The following ST3GAL3 variants were observed in gnomAD, a reference collection of about 807,000 sequenced individuals.
ST3GAL3 encodes the protein CMP-N-acetylneuraminate-beta-1,4-galactoside alpha-2,3-sialyltransferase.
ST3GAL3 carries 21 observed loss-of-function variants against 50.1 expected under a neutral mutation model. The observed-to-expected ratio is 0.42, with a 90% CI of 0.30 to 0.60. The LOEUF (loss-of-function observed/expected upper bound fraction) is 0.60. ST3GAL3 is among the 20% of genes least tolerant of loss of function. ST3GAL3 has a pLI of 0.19. For missense variants in ST3GAL3, 353 were observed against 489.4 expected (o/e 0.72, Z 2.63); for synonymous variants, 183 against 190.0 (o/e 0.96, Z 0.30).
At chr1:43,790,392 C>T (rs2057905388) in intron 2 of ST3GAL3, among the ~76,000 whole-genome samples, 3 of 152,248 alleles carry the variant, frequency 2.0e-5, no homozygotes, top group East Asian at 1.9e-4. Flanking sequence ...CATTTGCATC[C>T]GGCTGACACT....
At chr1:43,723,766 C>T (rs1001687966) in intron 1 of ST3GAL3, among the ~76,000 whole-genome samples, 1 of 152,090 alleles carries the variant, frequency 6.6e-6, no homozygotes, top group Non-Finnish European at 1.5e-5. Context: ...CACACATCAC[C>T]ATGCCTGGCT....
chr1:43,930,032 C>T (rs2084797565), intron 11 of ST3GAL3, 100 bp from the exon 12 acceptor site: 4 of 954,888 alleles, frequency 4.2e-6, no homozygotes, highest in Admixed American at 1.7e-5. Context: ...TCCACAGTCA[C>T]GGAGTATTGG....
At chr1:43,878,780 G>A (rs2074560786) in intron 5 of ST3GAL3, among the ~76,000 whole-genome samples, 1 of 152,204 alleles carries the variant, frequency 6.6e-6, no homozygotes, top group African/African-American at 2.4e-5. Context: ...TTTATCAAGA[G>A]GGAAGAGCAG....
At chr1:43,873,150 C>G (rs908434741) in intron 5 of ST3GAL3, among the ~76,000 whole-genome samples, 4 of 152,154 alleles carry the variant, frequency 2.6e-5, no homozygotes, top group African/African-American at 9.7e-5. Flanking sequence ...TAGACTGTTG[C>G]AAGGCAGTCC....
At chr1:43,925,517 C>A (rs1032330838) in intron 11 of ST3GAL3, among the ~76,000 whole-genome samples, 4 of 152,080 alleles carry the variant, frequency 2.6e-5, no homozygotes, top group African/African-American at 9.7e-5. Context: ...AATATTTTAC[C>A]CCTACTTGCC....
chr1:43,723,911 C>G (rs1203251766), intron 1 of ST3GAL3, among the ~76,000 whole-genome samples: 2 of 152,086 alleles, frequency 1.3e-5, no homozygotes, highest in East Asian at 1.9e-4. Flanking sequence ...TGTGTCCAGC[C>G]TCAGGTATTT....
intron 2 of ST3GAL3, among the ~76,000 whole-genome samples, chr1:43,747,161 C>T (rs1056486570): frequency 9.9e-5 from 15 of 152,080 alleles, no homozygotes; most frequent in Admixed American, 3.9e-4. Flanking sequence ...TATAATCCCA[C>T]CACTTTGAGA....
intron 2 of ST3GAL3, among the ~76,000 whole-genome samples, chr1:43,740,337 CAAAA>C (rs879854207): frequency 1.3e-5 from 1 of 77,470 alleles, no homozygotes. Context: ...GACTCAGTCT[CAAAA>C]AAAAAAAAAA....
At chr1:43,733,130 G>T (rs1017723467) in intron 1 of ST3GAL3, among the ~76,000 whole-genome samples, 8 of 152,042 alleles carry the variant, frequency 5.3e-5, no homozygotes, top group African/African-American at 1.9e-4. Context: ...AAGTAGCTGG[G>T]ACTATAGGCA....
At chr1:43,756,393 T>G (rs1688124099) in intron 2 of ST3GAL3, among the ~76,000 whole-genome samples, 1 of 152,196 alleles carries the variant, frequency 6.6e-6, no homozygotes, top group South Asian at 2.1e-4. Flanking sequence ...ATTGTGATTT[T>G]ATGTATGTGT....
At chr1:43,801,437 G>A (rs2059306394) in intron 3 of ST3GAL3, 1 of 452,404 alleles carries the variant, frequency 2.2e-6, no homozygotes, top group Non-Finnish European at 4.5e-6. Context: ...TGAAGGTGAG[G>A]CTACAGTAGG....
chr1:43,860,909 T>A (rs2069752630), intron 5 of ST3GAL3, among the ~76,000 whole-genome samples: 1 of 152,246 alleles, frequency 6.6e-6, no homozygotes, highest in Non-Finnish European at 1.5e-5. Flanking sequence ...GAGGCAAAAG[T>A]GGTCTTACTG....
At chr1:43,844,578 G>A (rs1178848070) in intron 5 of ST3GAL3, among the ~76,000 whole-genome samples, 1 of 152,154 alleles carries the variant, frequency 6.6e-6, no homozygotes, top group Admixed American at 6.5e-5. Flanking sequence ...TTGGGAGGCC[G>A]AGGAGGGTGG....
At chr1:43,849,585 G>A (rs1574204336) in intron 5 of ST3GAL3, among the ~76,000 whole-genome samples, 2 of 152,224 alleles carry the variant, frequency 1.3e-5, no homozygotes, top group African/African-American at 2.4e-5. Context: ...AAGTTTCTTT[G>A]GGAAGGTGAC....
intron 3 of ST3GAL3, among the ~76,000 whole-genome samples, chr1:43,793,699 C>T (rs1173246765): frequency 6.6e-6 from 1 of 152,174 alleles, no homozygotes; most frequent in African/African-American, 2.4e-5. Context: ...GGATCCAAAA[C>T]TTGCATCTAT....
Position 43,734,724 on chromosome 1 carries a change from A to T in ST3GAL3, c.-30-1509A>T, listed in dbSNP as rs374036678. Among the ~76,000 whole-genome samples the T allele has an allele frequency of 9.2e-5, 14 of 152,222 alleles. No homozygotes were observed. In the East Asian group the frequency reaches 1.7e-3, roughly 19 times the overall value. On this transcript the variant is annotated intron_variant, in intron 1 of 11. Coordinates refer to ENST00000347631, the MANE Select transcript of ST3GAL3 (RefSeq NM_006279.5). Reference sequence around the variant, plus strand: ...CTTTATTGAACTTCCTATTCTAATGATTTTTTAGTATATTCTCTTGGCTTT... The same window carrying T: ...CTTTATTGAACTTCCTATTCTAATGTTTTTTTAGTATATTCTCTTGGCTTT...
At chr1:43,910,353 G>A (rs1236018459) in intron 9 of ST3GAL3, among the ~76,000 whole-genome samples, 1 of 152,216 alleles carries the variant, frequency 6.6e-6, no homozygotes, top group Non-Finnish European at 1.5e-5. Flanking sequence ...TCAGTGTTAG[G>A]AACTGAAGAC....
intron 5 of ST3GAL3, chr1:43,850,376 G>T (rs1574218418): frequency 1.8e-6 from 1 of 554,342 alleles, no homozygotes. Flanking sequence ...CACACCCCTG[G>T]TATTTATGCC....
At chr1:43,801,842 A>C (rs2154163367) in intron 3 of ST3GAL3, 1 of 157,428 alleles carries the variant, frequency 6.4e-6, no homozygotes, top group South Asian at 1.9e-4. Flanking sequence ...TAGTCCCAGC[A>C]GCATTGCACC....
Sources: allele counts gnomAD v4.1 joint callset (sites outside exome capture counted in the v4.1 genomes callset), GRCh38; gene constraint gnomAD v4.1.1; transcripts MANE v1.5; gene names NCBI Gene and HGNC (gene_info 2026-07-23, HGNC 2026-07-21).